FAM167A: variants seen among roughly 807,000 people sequenced by gnomAD.
FAM167A encodes family with sequence similarity 167 member A, also known as protein FAM167A.
A neutral mutation model predicts 14.9 loss-of-function variants in FAM167A; 23 were observed. The ratio of observed to expected loss-of-function variants is 1.55; its 90% CI spans 1.11 to 2.19. FAM167A has a LOEUF of 2.19. FAM167A is among the 30% of genes most tolerant of loss of function. The probability of loss-of-function intolerance (pLI) is 0.00; values close to 1 mark genes in which losing one functional copy is unlikely to be tolerated. For missense variants in FAM167A, 401 were observed against 281.5 expected (o/e 1.42, Z -3.04); for synonymous variants, 174 against 117.7 (o/e 1.48, Z -3.10).
rs1585220976 is a variant in FAM167A at position 11,424,118 on chromosome 8, A to T, written c.*255T>A. On this transcript the variant is annotated 3_prime_UTR_variant, in exon 3 of 3. Coordinates refer to ENST00000284486, the MANE Select transcript of FAM167A (RefSeq NM_053279.3). ...ATGGTGGGAACCCAGGTCTCCTTTAACATCTTGGTTGGAGCGGCCCTTCTG... is the reference window on the plus strand; with the variant it reads ...ATGGTGGGAACCCAGGTCTCCTTTATCATCTTGGTTGGAGCGGCCCTTCTG... 2.1e-6 allele frequency: 1 copy of T among 487,072 alleles called. No individual in the cohort carries two copies. The highest frequency in any genetic ancestry group is 3.7e-6 in the Non-Finnish European group (1 of 270,066). The allele number at this position is 487,072 out of a possible 1,614,324, so 30.2% of individuals were successfully genotyped here. A position where few individuals can be genotyped will look rare whatever the true frequency, so the allele number is the denominator to read the frequency against.
chr8:11,456,720 G>C (rs1419543533), intron 1 of FAM167A, among the ~76,000 whole-genome samples: 4 of 151,648 alleles, frequency 2.6e-5, no homozygotes, highest in Non-Finnish European at 4.4e-5. Flanking sequence ...TGTAGGTGTG[G>C]CTGGGTAAGA....
In FAM167A at chr8:11,428,729, C is replaced by T. The variant is rs181324786; in HGVS notation, c.382-4093G>A. ...TGCCCCAAAGAACAGGGTTTGTCCC[C>T]GTGATGCGGGAGCCCTGGCTGTGCT... On this transcript the variant is annotated intron_variant, in intron 2 of 2. Transcript: ENST00000284486. Among the ~76,000 whole-genome samples the T allele has an allele frequency of 4.9e-4, 74 of 152,332 alleles. 1 individual carries two copies. The highest frequency in any genetic ancestry group is 3.6e-3 in the Admixed American group (55 of 15,298).
intron 2 of FAM167A, among the ~76,000 whole-genome samples, chr8:11,431,893 CAAAAAAA>C (rs748615997): frequency 2.6e-3 from 40 of 15,638 alleles, no homozygotes; most frequent in Non-Finnish European, 5.9e-3. Context: ...GACCAATTGG[CAAAAAAA>C]AAAAAAAAAA....
rs1180530042 is a variant in FAM167A, at chr8:11,423,251, G to A, written c.*1122C>T. 4 of 152,306 alleles carry A rather than the reference G, an allele frequency of 2.6e-5. No individual in the cohort carries two copies. The highest frequency in any genetic ancestry group is 5.9e-5 in the Non-Finnish European group (4 of 68,036). The allele number at this position is 152,306 out of a possible 1,614,324, so 9.4% of individuals were successfully genotyped here. On this transcript the variant is annotated 3_prime_UTR_variant, in exon 3 of 3. Coordinates refer to ENST00000284486, the MANE Select transcript of FAM167A (RefSeq NM_053279.3). ...AGACTGACCTCCCTAACCTGCTGGG[G>A]TCTTAACTTGCTGATCCTCAAGCCT...
Position 11,444,521 on chromosome 8 carries a change from C to A in FAM167A, c.-110G>T. Reference sequence around the variant, plus strand: ...TCTGGGATGGCCTCATCCAGGTGCCCGAGGGCATTTCCGGGACAGGAGCCG... The same window carrying A: ...TCTGGGATGGCCTCATCCAGGTGCCAGAGGGCATTTCCGGGACAGGAGCCG... On this transcript the variant is annotated 5_prime_UTR_variant, in exon 2 of 3. Coordinates refer to ENST00000284486, the MANE Select transcript of FAM167A (RefSeq NM_053279.3). 1 of 1,471,554 alleles carries A rather than the reference C, an allele frequency of 6.8e-7. No homozygotes were observed. The allele number at this position is 1,471,554 out of a possible 1,614,324, so 91.2% of individuals were successfully genotyped here. A position where few individuals can be genotyped will look rare whatever the true frequency, so the allele number is the denominator to read the frequency against.
At chr8:11,451,270 C>T (rs13280447) in intron 1 of FAM167A, among the ~76,000 whole-genome samples, 53,920 of 152,180 alleles carry the variant, frequency 0.35, 10,397 homozygotes, top group Middle Eastern at 0.55. Flanking sequence ...GACAGTGTGG[C>T]AGCTTGGCCA....
intron 2 of FAM167A, among the ~76,000 whole-genome samples, chr8:11,436,953 G>C (rs1262636979): frequency 6.6e-6 from 1 of 152,230 alleles, no homozygotes; most frequent in Non-Finnish European, 1.5e-5. Flanking sequence ...CCAGGCACCT[G>C]CAGTTGCTAT....
chr8:11,460,823 C>A (rs1021418843), intron 1 of FAM167A, among the ~76,000 whole-genome samples: 2 of 152,066 alleles, frequency 1.3e-5, no homozygotes, highest in Admixed American at 6.5e-5. Context: ...TTGAACCCTG[C>A]ATCTATTGTC....
At chr8:11,464,829 C>T (rs1807689140) in intron 1 of FAM167A, among the ~76,000 whole-genome samples, 1 of 152,212 alleles carries the variant, frequency 6.6e-6, no homozygotes, top group African/African-American at 2.4e-5. Context: ...GTAGTTTCTT[C>T]CTCATTGGCC....
At chr8:11,426,509 C>T (rs1585225767) in intron 2 of FAM167A, among the ~76,000 whole-genome samples, 1 of 152,300 alleles carries the variant, frequency 6.6e-6, no homozygotes. Context: ...GTTTCCCAAA[C>T]CCACTGTAAA....
At chr8:11,430,752 G>T (rs1291641803) in intron 2 of FAM167A, among the ~76,000 whole-genome samples, 3 of 152,146 alleles carry the variant, frequency 2.0e-5, no homozygotes, top group Non-Finnish European at 4.4e-5. Context: ...GTGAGGGGAG[G>T]GTGTGGCAAG....
upstream of FAM167A, among the ~76,000 whole-genome samples, chr8:11,472,215 C>T (rs770210412): frequency 2.0e-5 from 3 of 152,168 alleles, no homozygotes; most frequent in Non-Finnish European, 4.4e-5. Context: ...CAGCACACCG[C>T]ACACAGACAT....
intron 1 of FAM167A, among the ~76,000 whole-genome samples, chr8:11,473,168 C>T (rs1399715816): frequency 6.6e-6 from 1 of 152,206 alleles, no homozygotes; most frequent in Non-Finnish European, 1.5e-5. Context: ...CAATAGCCCA[C>T]GGCAACGTCA....
At chr8:11,426,855 G>T (rs1011354332) in intron 2 of FAM167A, among the ~76,000 whole-genome samples, 1 of 152,142 alleles carries the variant, frequency 6.6e-6, no homozygotes, top group African/African-American at 2.4e-5. Flanking sequence ...TTTTATAGAA[G>T]ATAACATAAA....
upstream of FAM167A, chr8:11,467,506 G>T: frequency 6.6e-6 from 1 of 152,340 alleles, no homozygotes; most frequent in East Asian, 1.9e-4. Context: ...ACTGGATGGG[G>T]GTCTCTTACC....
chr8:11,472,111 G>A (rs2117175019), upstream of FAM167A, among the ~76,000 whole-genome samples: 1 of 152,300 alleles, frequency 6.6e-6, no homozygotes, highest in African/African-American at 2.4e-5. Flanking sequence ...ACGGCATGTG[G>A]GCCTCCCTTT....
At chr8:11,456,850 C>T (rs1274410110) in intron 1 of FAM167A, among the ~76,000 whole-genome samples, 12 of 120,004 alleles carry the variant, frequency 1.0e-4, no homozygotes, top group African/African-American at 3.8e-4. Flanking sequence ...GGGAAGTGGG[C>T]AGGGCTGAGT....
intron 1 of FAM167A, chr8:11,445,429 T>C (rs1806724806): frequency 1.0e-6 from 1 of 985,588 alleles, no homozygotes; most frequent in Admixed American, 6.1e-5. Context: ...CCTCACCTCT[T>C]CAGAGACAGA....
rs80009224 is a variant in FAM167A at position 11,442,403 on chromosome 8, C to T, written c.381+1628G>A. On this transcript the variant is annotated intron_variant, in intron 2 of 2. Coordinates refer to ENST00000284486, the MANE Select transcript of FAM167A (RefSeq NM_053279.3). ...AAGCTCCCCAGGTGGTTACGGTACA[C>T]GCCAGAGTGAGGAGACTAAAGGACG... is the stretch of plus-strand genomic sequence containing the variant. Among the ~76,000 whole-genome samples the T allele has an allele frequency of 3.3e-5, 5 of 152,058 alleles. No homozygotes were observed. In the South Asian group the frequency reaches 6.2e-4, roughly 19 times the overall value.
Sources: allele counts gnomAD v4.1 joint callset (sites outside exome capture counted in the v4.1 genomes callset), GRCh38; gene constraint gnomAD v4.1.1; transcripts MANE v1.5; gene names NCBI Gene and HGNC (gene_info 2026-07-23, HGNC 2026-07-21).